Variants in DHRS9 observed in about 807,000 individuals in gnomAD.
The protein encoded by DHRS9 is dehydrogenase/reductase 9, also known as dehydrogenase/reductase SDR family member 9.
In DHRS9, 18 loss-of-function variants were observed where a neutral mutation model predicts 26.6. The observed-to-expected ratio is 0.68, with a 90% confidence interval of 0.47 to 1.00. The LOEUF is 1.00. DHRS9 is among the 50% of genes least tolerant of loss of function. DHRS9 has a pLI of 0.00. For synonymous variants in DHRS9, 134 were observed against 141.1 expected, an observed-to-expected ratio of 0.95 and a Z score of 0.36; for missense variants, 425 against 378.7, an observed-to-expected ratio of 1.12 and a Z score of -1.01.
At chr2:169,092,608 G>C (rs1473999942) in intron 4 of DHRS9, among the ~76,000 whole-genome samples, 14 of 152,222 alleles carry the variant, frequency 9.2e-5, no homozygotes, top group Admixed American at 9.2e-4. Flanking sequence ...GGCTGGTTAA[G>C]CCCTAATGGG....
intron 1 of DHRS9, among the ~76,000 whole-genome samples, chr2:169,076,429 T>C (rs1683964263): frequency 6.6e-6 from 1 of 152,246 alleles, no homozygotes; most frequent in Non-Finnish European, 1.5e-5. Flanking sequence ...ACACAATGTT[T>C]AGAAATTGGT....
intron 1 of DHRS9, chr2:169,072,573 A>G (rs1683840544): frequency 1.0e-6 from 1 of 984,292 alleles, no homozygotes; most frequent in Admixed American, 6.1e-5. Context: ...CTTTTTTACT[A>G]GGAAAACAAA....
At chr2:169,067,397 A>G, upstream of DHRS9, 2 of 1,345,964 alleles carry the variant, frequency 1.5e-6, no homozygotes, top group Admixed American at 5.3e-5. Flanking sequence ...TTTCCTCCTT[A>G]TGTTTTGGTA....
intron 1 of DHRS9, among the ~76,000 whole-genome samples, chr2:169,077,936 G>T (rs1477732646): frequency 6.6e-6 from 1 of 152,208 alleles, no homozygotes; most frequent in African/African-American, 2.4e-5. Context: ...TCAGATGTCA[G>T]ATGTTGCTTT....
chr2:169,070,542 T>G, intron 1 of DHRS9: 1 of 985,280 alleles, frequency 1.0e-6, no homozygotes, highest in African/African-American at 1.7e-5. Flanking sequence ...ATATATTAAC[T>G]GCTCTAAAAA....
intron 3 of DHRS9, among the ~76,000 whole-genome samples, chr2:169,089,473 A>G (rs562081724): frequency 6.6e-6 from 1 of 152,336 alleles, no homozygotes; most frequent in African/African-American, 2.4e-5. Flanking sequence ...CAAGCGGAAG[A>G]TATTCAGCTG....
At chr2:169,076,235 T>G (rs75012188) in intron 1 of DHRS9, among the ~76,000 whole-genome samples, 2,818 of 152,338 alleles carry the variant, frequency 0.018, 89 homozygotes, top group African/African-American at 0.064. Flanking sequence ...CACTATTGGC[T>G]TTGATGCTCA....
At chr2:169,087,276 G>A (rs1397713608) in intron 3 of DHRS9, among the ~76,000 whole-genome samples, 7 of 152,080 alleles carry the variant, frequency 4.6e-5, no homozygotes, top group Non-Finnish European at 7.4e-5. Context: ...TCAGGCCTGC[G>A]GGAAGTATTG....
chr2:169,095,943 GT>G lies in DHRS9; in HGVS notation c.*180del. On this transcript the variant is annotated 3_prime_UTR_variant, in exon 5 of 5. Coordinates refer to ENST00000674881, the MANE Select transcript of DHRS9 (RefSeq NM_001376924.1). ...GTGGTATCCCAGGGTCCCTGCTCAA[GT>G]TTTCTTTGAAAAGGAGGGCTGGAAT... 1.6e-6 allele frequency: 1 copy of G among 636,892 alleles called. No homozygotes were observed. The highest frequency in any genetic ancestry group is 2.7e-6 in the Non-Finnish European group (1 of 365,242). 39.5% of individuals were successfully genotyped at this position (636,892 alleles called of 1,614,324 possible). A position where few individuals can be genotyped will look rare whatever the true frequency, so the allele number is the denominator to read the frequency against.
At chr2:169,093,425 T>C (rs367699275) in intron 4 of DHRS9, among the ~76,000 whole-genome samples, 3 of 152,226 alleles carry the variant, frequency 2.0e-5, no homozygotes, top group East Asian at 3.9e-4. Flanking sequence ...ACAAACATCT[T>C]AGTGCTGACA....
rs144902599 is a variant in DHRS9 at position 169,090,361 on chromosome 2, A to C, written c.573-1429A>C. Among the ~76,000 whole-genome samples, 492 of 152,330 alleles carry C rather than the reference A, an allele frequency of 3.2e-3. 1 individual carries two copies. The highest frequency in any genetic ancestry group is 5.8e-3 in the Non-Finnish European group (396 of 68,030). ...GTGGGTGGGGAGAAAAGTCTTCCTA[A>C]ATAGCCTCTTGGCACTGCTACTTCC... On this transcript the variant is annotated intron_variant, in intron 3 of 4. Coordinates refer to ENST00000674881, the MANE Select transcript of DHRS9 (RefSeq NM_001376924.1).
At chr2:169,073,273 G>T (rs1413071075) in intron 1 of DHRS9, among the ~76,000 whole-genome samples, 1 of 152,220 alleles carries the variant, frequency 6.6e-6, no homozygotes, top group Non-Finnish European at 1.5e-5. Flanking sequence ...TCCCGGAATT[G>T]CCACTACAAC....
intron 4 of DHRS9, among the ~76,000 whole-genome samples, chr2:169,092,441 A>G (rs941033752): frequency 6.6e-6 from 1 of 152,256 alleles, no homozygotes; most frequent in African/African-American, 2.4e-5. Context: ...CCTAGTTGAC[A>G]ACAAGAAGTA....
intron 4 of DHRS9, among the ~76,000 whole-genome samples, chr2:169,093,390 T>C (rs1474469656): frequency 6.6e-6 from 1 of 152,000 alleles, no homozygotes; most frequent in Admixed American, 6.6e-5. Context: ...ACATTATCTA[T>C]ATATCAACTG....
At chr2:169,093,331 A>AACACACACACAC (rs58377569) in intron 4 of DHRS9, among the ~76,000 whole-genome samples, 5 of 151,032 alleles carry the variant, frequency 3.3e-5, no homozygotes, top group Admixed American at 1.3e-4. Context: ...CATTACCCTA[A>AACACACACACAC]ACACACACAC....
chr2:169,087,131 A>G (rs1684377264), intron 3 of DHRS9, among the ~76,000 whole-genome samples: 2 of 152,222 alleles, frequency 1.3e-5, no homozygotes, highest in Admixed American at 1.3e-4. Flanking sequence ...GGCTGGAGTC[A>G]GAAACTTTAG....
chr2:169,069,364 T>C (rs1683734286), upstream of DHRS9: 2 of 952,890 alleles, frequency 2.1e-6, no homozygotes, highest in Non-Finnish European at 2.5e-6. Flanking sequence ...GTACTAATCA[T>C]AAAATGAATG....
At chr2:169,078,815 CTTTTTT>C (rs200691133) in intron 1 of DHRS9, among the ~76,000 whole-genome samples, 8 of 110,362 alleles carry the variant, frequency 7.2e-5, no homozygotes, top group African/African-American at 2.6e-4. Flanking sequence ...TATCAACTGA[CTTTTTT>C]TTTTTTTTTT....
chr2:169,084,223 C>T (rs937218640), intron 3 of DHRS9, among the ~76,000 whole-genome samples: 1 of 152,000 alleles, frequency 6.6e-6, no homozygotes, highest in Non-Finnish European at 1.5e-5. Context: ...ACTGCATTTT[C>T]CTTATTCATT....
Sources: allele counts gnomAD v4.1 joint callset (sites outside exome capture counted in the v4.1 genomes callset), GRCh38; gene constraint gnomAD v4.1.1; transcripts MANE v1.5; gene names NCBI Gene and HGNC (gene_info 2026-07-23, HGNC 2026-07-21).